PLEKHD1: variants seen among roughly 807,000 people sequenced by gnomAD.
The protein encoded by PLEKHD1 is pleckstrin homology and coiled-coil domain containing D1.
In PLEKHD1, 51 loss-of-function variants were observed where a neutral mutation model predicts 69.2. That is an observed-to-expected ratio of 0.74 (90% CI 0.59 to 0.93). The LOEUF (loss-of-function observed/expected upper bound fraction) is 0.93. PLEKHD1 is among the 40% of genes least tolerant of loss of function. PLEKHD1 has a pLI of 0.00. For missense variants in PLEKHD1, 584 were observed against 641.0 expected, an observed-to-expected ratio of 0.91 and a Z score of 0.96; for synonymous variants, 236 against 244.7, an observed-to-expected ratio of 0.96 and a Z score of 0.33.
upstream of PLEKHD1, among the ~76,000 whole-genome samples, chr14:69,482,197 C>T (rs1016802749): frequency 6.6e-6 from 1 of 152,202 alleles, no homozygotes; most frequent in Non-Finnish European, 1.5e-5. Context: ...TTGAAGAAAC[C>T]TGTGCTTCAC....
intron 5 of PLEKHD1, 52 bp downstream of exon 5, chr14:69,501,877 C>T: frequency 6.9e-7 from 1 of 1,446,008 alleles, no homozygotes; most frequent in Non-Finnish European, 9.5e-7. Context: ...GGACCAGGGG[C>T]TATAGCCAGG....
chr14:69,487,027 C>G (rs1882669003), intron 1 of PLEKHD1, among the ~76,000 whole-genome samples: 1 of 152,182 alleles, frequency 6.6e-6, no homozygotes, highest in South Asian at 2.1e-4. Context: ...AAGTCAAGTC[C>G]TTTAGCCTCC....
chr14:69,500,064 A>C, intron 1 of PLEKHD1, 51 bp from the exon 2 acceptor site: 1 of 1,322,030 alleles, frequency 7.6e-7, no homozygotes, highest in Non-Finnish European at 1.1e-6. Context: ...GTCCCAAGAA[A>C]CCTCACCCCT....
the PLEKHD1 span, among the ~76,000 whole-genome samples, chr14:69,467,862 C>T: frequency 4.6e-5 from 7 of 152,178 alleles, no homozygotes; most frequent in Non-Finnish European, 7.3e-5. Context: ...TATTTGTGAA[C>T]AGGAGGCACC....
rs542815091 is a variant in PLEKHD1 at position 69,526,750 on chromosome 14, A to G, written c.977A>G (p.Tyr326Cys). Residue 326 changes from tyrosine to cysteine, a missense_variant, in exon 10 of 13, where the codon TAC becomes TGC. Tyr to Cys is a radical substitution (Grantham distance 194, BLOSUM62 -2). Transcript: ENST00000322564. ...SRALEEEREF[Y>C]SSQSQALQNS... is the part of the protein sequence containing the mutation. ...GCCCTGGAGGAGGAGCGTGAGTTCT[A>G]CTCCAGCCAGTCCCAGGCACTGCAG... is the stretch of plus-strand genomic sequence containing the variant. 2.6e-6 allele frequency: 4 copies of G among 1,549,470 alleles called. No homozygotes were observed. The South Asian group carries it at 3.6e-5, about 14-fold the overall frequency.
At chr14:69,496,020 A>T (rs1882881213) in intron 1 of PLEKHD1, among the ~76,000 whole-genome samples, 1 of 152,364 alleles carries the variant, frequency 6.6e-6, no homozygotes, top group East Asian at 1.9e-4. Context: ...CTTGGCACAC[A>T]GTGGCAACTC....
At chr14:69,498,106 A>ATTTTATTTTATT (rs1491301174) in intron 1 of PLEKHD1, among the ~76,000 whole-genome samples, 105 of 141,568 alleles carry the variant, frequency 7.4e-4, no homozygotes, top group African/African-American at 2.8e-3. Flanking sequence ...ATTTTATTTT[A>ATTTTATTTTATT]GAGAGTCTTG....
chr14:69,498,588 TTTCTCTTCTCTTCTCTTCTCTTCTC>T (rs71102658), intron 1 of PLEKHD1, among the ~76,000 whole-genome samples: 4,622 of 108,654 alleles, frequency 0.043, 109 homozygotes, highest in Middle Eastern at 0.13. Context: ...TTCTTTTTGT[TTTCTCTTCTCTTCTCTTCTCTTCTC>T]TTCTCTTCTC....
the PLEKHD1 span, among the ~76,000 whole-genome samples, chr14:69,472,060 T>A: frequency 1.3e-3 from 192 of 152,012 alleles, 5 homozygotes; most frequent in East Asian, 0.032. Flanking sequence ...AGCCACACAC[T>A]CAACGACCCG....
the PLEKHD1 span, among the ~76,000 whole-genome samples, chr14:69,474,153 G>T: frequency 6.6e-6 from 1 of 152,182 alleles, no homozygotes; most frequent in Non-Finnish European, 1.5e-5. Flanking sequence ...CACCTAGCTA[G>T]CCCTGAGAAG....
chr14:69,516,129 C>G (rs992450646), intron 6 of PLEKHD1, among the ~76,000 whole-genome samples: 3 of 152,166 alleles, frequency 2.0e-5, no homozygotes, highest in Non-Finnish European at 4.4e-5. Context: ...CTGCCTTGTT[C>G]AGCTTTTTAC....
chr14:69,528,061 T>C, intron 12 of PLEKHD1, 129 bp downstream of exon 12: 2 of 1,475,548 alleles, frequency 1.4e-6, no homozygotes, highest in Admixed American at 2.2e-5. Flanking sequence ...CCCACCATCC[T>C]TGGGCAAACG....
chr14:69,483,876 C>T (rs186582201), upstream of PLEKHD1, among the ~76,000 whole-genome samples: 1 of 152,328 alleles, frequency 6.6e-6, no homozygotes, highest in East Asian at 1.9e-4. Flanking sequence ...GGGGCCCGGC[C>T]GGCATCTCCC....
chr14:69,519,190 A>G (rs1883453598), intron 6 of PLEKHD1, among the ~76,000 whole-genome samples: 1 of 152,124 alleles, frequency 6.6e-6, no homozygotes, highest in Non-Finnish European at 1.5e-5. Flanking sequence ...CATTATTCAT[A>G]AATGCTTTTG....
chr14:69,522,259 T>C (rs1287115660), intron 6 of PLEKHD1, 24 bp from the exon 7 acceptor site: 2 of 1,550,086 alleles, frequency 1.3e-6, no homozygotes, highest in Admixed American at 3.9e-5. Flanking sequence ...CTGTGACTCT[T>C]CTCTTCCTCT....
the PLEKHD1 span, among the ~76,000 whole-genome samples, chr14:69,474,874 G>T: frequency 2.0e-5 from 3 of 152,274 alleles, no homozygotes; most frequent in East Asian, 5.8e-4. Flanking sequence ...TTTAAAAAGA[G>T]ATTGGAGATC....
At chr14:69,505,101 T>C (rs1883122114) in intron 6 of PLEKHD1, among the ~76,000 whole-genome samples, 1 of 152,174 alleles carries the variant, frequency 6.6e-6, no homozygotes, top group African/African-American at 2.4e-5. Flanking sequence ...CCTCCCTTAA[T>C]GCCACAGCAC....
intron 1 of PLEKHD1, among the ~76,000 whole-genome samples, chr14:69,487,148 C>T (rs1882671200): frequency 6.6e-6 from 1 of 151,806 alleles, no homozygotes; most frequent in Non-Finnish European, 1.5e-5. Context: ...CCTGCCCATT[C>T]TAGGCCTCTG....
At chr14:69,467,767 CA>C in the PLEKHD1 span, among the ~76,000 whole-genome samples, 3 of 150,106 alleles carry the variant, frequency 2.0e-5, no homozygotes, top group South Asian at 2.1e-4. Context: ...GACTCTGTCT[CA>C]AAAAAAAAGG....
Sources: allele counts gnomAD v4.1 joint callset (sites outside exome capture counted in the v4.1 genomes callset), GRCh38; gene constraint gnomAD v4.1.1; transcripts MANE v1.5; gene names NCBI Gene and HGNC (gene_info 2026-07-23, HGNC 2026-07-21).